CACHD1: variants seen among roughly 807,000 people sequenced by gnomAD.
CACHD1 encodes the protein cache domain containing 1, also known as VWFA and cache domain-containing protein 1.
CACHD1 carries 71 observed loss-of-function variants against 138.7 expected under a neutral mutation model. The ratio of observed to expected loss-of-function variants is 0.51; its 90% CI spans 0.42 to 0.62. The LOEUF (loss-of-function observed/expected upper bound fraction) is 0.62, where lower values mean the gene tolerates loss of function less well. Ranked by LOEUF, CACHD1 falls within the 20% of genes least tolerant of loss-of-function variation. CACHD1 has a pLI of 0.00. For missense variants in CACHD1, 1,389 were observed against 1,625.3 expected (o/e 0.85, Z 2.50); for synonymous variants, 578 against 591.5 (o/e 0.98, Z 0.33).
At chr1:64,652,474 C>T (rs895052122) in intron 10 of CACHD1, among the ~76,000 whole-genome samples, 164 bp downstream of exon 10, 1 of 152,140 alleles carries the variant, frequency 6.6e-6, no homozygotes, top group African/African-American at 2.4e-5. Context: ...CAGAGTGGAT[C>T]TCCAAATTAC....
chr1:64,676,807 A>G, intron 21 of CACHD1, 88 bp from the exon 22 acceptor site: 1 of 1,021,056 alleles, frequency 9.8e-7, no homozygotes, highest in East Asian at 2.4e-5. Flanking sequence ...TCAAACCCAA[A>G]TCTGTCTGAC....
chr1:64,578,679 G>A (rs868105958), intron 2 of CACHD1, among the ~76,000 whole-genome samples: 4 of 152,172 alleles, frequency 2.6e-5, no homozygotes, highest in Non-Finnish European at 4.4e-5. Flanking sequence ...AACTTGGGCT[G>A]GGATGACTTG....
intron 2 of CACHD1, among the ~76,000 whole-genome samples, chr1:64,574,484 A>G (rs146817455): frequency 1.8e-3 from 275 of 152,320 alleles, no homozygotes; most frequent in Non-Finnish European, 2.8e-3. Context: ...AGAGTCACTG[A>G]CAGCTGTAGT....
chr1:64,681,372 C>G, intron 25 of CACHD1, 37 bp downstream of exon 25: 7 of 1,480,934 alleles, frequency 4.7e-6, no homozygotes, highest in Non-Finnish European at 5.7e-6. Flanking sequence ...AATGTGTCAG[C>G]AGGAGGCTAA....
At chr1:64,668,007 G>GA (rs1649690432) in intron 16 of CACHD1, among the ~76,000 whole-genome samples, 2 of 152,190 alleles carry the variant, frequency 1.3e-5, no homozygotes, top group Non-Finnish European at 2.9e-5. Flanking sequence ...AATCACAATG[G>GA]AAATATGATG....
intron 26 of CACHD1, among the ~76,000 whole-genome samples, chr1:64,684,263 C>T (rs1286520615): frequency 6.6e-6 from 1 of 151,856 alleles, no homozygotes; most frequent in Non-Finnish European, 1.5e-5. Context: ...TCATTCCTTA[C>T]ATATCAAGGA....
chr1:64,510,560 G>A (rs1646412820), intron 1 of CACHD1, among the ~76,000 whole-genome samples: 1 of 152,132 alleles, frequency 6.6e-6, no homozygotes, highest in Non-Finnish European at 1.5e-5. Flanking sequence ...TTAATCTCCT[G>A]GGCAATGTTC....
intron 4 of CACHD1, among the ~76,000 whole-genome samples, chr1:64,617,753 C>T (rs988731351): frequency 6.6e-6 from 1 of 152,146 alleles, no homozygotes; most frequent in Non-Finnish European, 1.5e-5. Context: ...GTCACTCCCT[C>T]CTTTCTGAAG....
At chr1:64,608,044 G>A (rs147743337) in intron 4 of CACHD1, among the ~76,000 whole-genome samples, 2 of 152,126 alleles carry the variant, frequency 1.3e-5, no homozygotes, top group Admixed American at 1.3e-4. Flanking sequence ...GAGGGCAGAG[G>A]TAAGTAGAAT....
At chr1:64,662,079 C>G (rs77236278) in intron 13 of CACHD1, among the ~76,000 whole-genome samples, 1 of 152,246 alleles carries the variant, frequency 6.6e-6, no homozygotes, top group Admixed American at 6.5e-5. Flanking sequence ...CCAGAAGAAA[C>G]AGCTGTGAAA....
intron 1 of CACHD1, among the ~76,000 whole-genome samples, chr1:64,534,401 A>C (rs887424441): frequency 7.2e-5 from 11 of 152,132 alleles, no homozygotes; most frequent in South Asian, 2.1e-4. Context: ...TCTCATTAGG[A>C]GAGAAGATCA....
At chr1:64,534,579 T>G (rs1026182441) in intron 1 of CACHD1, among the ~76,000 whole-genome samples, 1 of 152,214 alleles carries the variant, frequency 6.6e-6, no homozygotes, top group Non-Finnish European at 1.5e-5. Context: ...GAATGTCCCT[T>G]CCTCACACTT....
At chr1:64,615,115 C>T (rs1445134129) in intron 4 of CACHD1, among the ~76,000 whole-genome samples, 4 of 152,170 alleles carry the variant, frequency 2.6e-5, no homozygotes, top group Non-Finnish European at 4.4e-5. Flanking sequence ...CTTTTGATCA[C>T]ATTATTGTTT....
chr1:64,567,391 C>G (rs545016837), intron 2 of CACHD1, among the ~76,000 whole-genome samples: 2 of 152,042 alleles, frequency 1.3e-5, no homozygotes, highest in African/African-American at 4.8e-5. Flanking sequence ...AAATGCCAGA[C>G]GGTTGCAAGA....
chr1:64,659,865 T>C (rs75426229), intron 13 of CACHD1, among the ~76,000 whole-genome samples: 3,417 of 152,328 alleles, frequency 0.022, 137 homozygotes, highest in African/African-American at 0.077. Flanking sequence ...GCTAGAAGTC[T>C]GCAGTCTCTA....
intron 1 of CACHD1, among the ~76,000 whole-genome samples, chr1:64,547,586 T>G (rs993157136): frequency 6.6e-6 from 1 of 152,184 alleles, no homozygotes; most frequent in Non-Finnish European, 1.5e-5. Context: ...GGGCTTGTCT[T>G]GAACTCCTGA....
intron 1 of CACHD1, among the ~76,000 whole-genome samples, chr1:64,502,445 C>T (rs1453445185): frequency 6.6e-6 from 1 of 152,100 alleles, no homozygotes; most frequent in Non-Finnish European, 1.5e-5. Flanking sequence ...TTACTGAATT[C>T]CAGCCACGAC....
intron 4 of CACHD1, among the ~76,000 whole-genome samples, chr1:64,616,991 T>C (rs1431224963): frequency 6.6e-6 from 1 of 151,974 alleles, no homozygotes; most frequent in Non-Finnish European, 1.5e-5. Context: ...ATTGCTTTTT[T>C]TTTTTAAGTT....
At chr1:64,496,811 G>A (rs1201113537) in intron 1 of CACHD1, among the ~76,000 whole-genome samples, 2 of 150,400 alleles carry the variant, frequency 1.3e-5, no homozygotes, top group African/African-American at 4.9e-5. Context: ...CAGGACACTC[G>A]TGCATGGAAG....
Sources: allele counts gnomAD v4.1 joint callset (sites outside exome capture counted in the v4.1 genomes callset), GRCh38; gene constraint gnomAD v4.1.1; transcripts MANE v1.5; gene names NCBI Gene and HGNC (gene_info 2026-07-23, HGNC 2026-07-21).